UNC13C: variants seen among roughly 807,000 people sequenced by gnomAD.
UNC13C encodes the protein protein unc-13 homolog C.
In UNC13C, 174 loss-of-function variants were observed where a neutral mutation model predicts 245.4. The ratio of observed to expected loss-of-function variants is 0.71; its 90% confidence interval spans 0.63 to 0.80. The LOEUF is 0.80. Ranked by LOEUF, UNC13C falls within the 30% of genes least tolerant of loss-of-function variation. The probability of loss-of-function intolerance (pLI) is 0.00; values close to 1 mark genes in which losing one functional copy is unlikely to be tolerated. For synonymous variants in UNC13C, 992 were observed against 895.1 expected, an observed-to-expected ratio of 1.11 and a Z score of -1.93; for missense variants, 2,829 against 2,602.9, an observed-to-expected ratio of 1.09 and a Z score of -1.89.
At position 54,290,685 on chromosome 15, in the gene UNC13C, C is replaced by A. The variant is rs557328133; in HGVS notation, c.3819-3210C>A. ...TTTTGTATGGATTGCTATTTGTATG[C>A]ATATTTAACCACTTAATACACCTTT... is the stretch of plus-strand genomic sequence containing the variant. On this transcript the variant is annotated intron_variant, in intron 10 of 32. Coordinates refer to ENST00000260323, the MANE Select transcript of UNC13C (RefSeq NM_001080534.3). Among the ~76,000 whole-genome samples the A allele has an allele frequency of 1.5e-3, 224 of 152,140 alleles. 2 individuals are homozygous for A. The Middle Eastern group carries it at 0.017, about 12-fold the overall frequency.
At chr15:54,552,694 A>AT (rs1896859191) in intron 28 of UNC13C, among the ~76,000 whole-genome samples, 1 of 83,990 alleles carries the variant, frequency 1.2e-5, no homozygotes, top group Non-Finnish European at 2.0e-5. Flanking sequence ...ATATAATTAT[A>AT]TATTATATAT....
chr15:54,287,249 C>G (rs527351325), intron 10 of UNC13C, among the ~76,000 whole-genome samples: 1 of 152,138 alleles, frequency 6.6e-6, no homozygotes, highest in Non-Finnish European at 1.5e-5. Flanking sequence ...CAAGAGCCTA[C>G]CATTTCCCAG....
chr15:54,316,857 C>G (rs1318763626), intron 13 of UNC13C, among the ~76,000 whole-genome samples: 1 of 151,960 alleles, frequency 6.6e-6, no homozygotes, highest in Non-Finnish European at 1.5e-5. Context: ...CCCACCCAAA[C>G]CTTTTGGCTG....
the UNC13C span, among the ~76,000 whole-genome samples, chr15:53,894,038 C>A: frequency 6.6e-6 from 1 of 152,206 alleles, no homozygotes; most frequent in Admixed American, 6.5e-5. Context: ...AGTATCTGGG[C>A]TGGAGCACAC....
chr15:54,618,912 AAAAAC>A (rs1454856301), intron 30 of UNC13C, among the ~76,000 whole-genome samples: 1 of 152,050 alleles, frequency 6.6e-6, no homozygotes, highest in Admixed American at 6.6e-5. Context: ...CATTTTGTCA[AAAAAC>A]AAAACAAAAA....
At chr15:54,611,726 G>A (rs559427336) in intron 30 of UNC13C, 140 of 152,144 alleles carry the variant, frequency 9.2e-4, no homozygotes, top group African/African-American at 3.0e-3. Flanking sequence ...CTTAATACAC[G>A]TTTTGAAATG....
chr15:54,325,307 T>C (rs1282623844), intron 14 of UNC13C, among the ~76,000 whole-genome samples: 1 of 151,962 alleles, frequency 6.6e-6, no homozygotes, highest in African/African-American at 2.4e-5. Flanking sequence ...GGTTTAGAGA[T>C]AAGACTGGAA....
rs796532430 is a variant in UNC13C at position 54,363,561 on chromosome 15, T to G, written c.4713+25072T>G. Among the ~76,000 whole-genome samples, 4 of 152,190 alleles carry G rather than the reference T, an allele frequency of 2.6e-5. No individual in the cohort carries two copies. In the South Asian group the frequency reaches 6.2e-4, roughly 24 times the overall value. On this transcript the variant is annotated intron_variant, in intron 17 of 32. Coordinates refer to ENST00000260323, the MANE Select transcript of UNC13C (RefSeq NM_001080534.3). Reference sequence around the variant, plus strand: ...TGTTTTGTAAACCAAGTTAATGGATTTGGATTTGTCCTGGAGGAAATGTGG... The same window carrying G: ...TGTTTTGTAAACCAAGTTAATGGATGTGGATTTGTCCTGGAGGAAATGTGG...
chr15:54,096,252 G>A (rs1435093665), intron 2 of UNC13C, among the ~76,000 whole-genome samples: 3 of 151,996 alleles, frequency 2.0e-5, no homozygotes, highest in African/African-American at 7.3e-5. Context: ...AGAAAGCATC[G>A]GTCTGGAGAT....
At chr15:53,886,133 G>A in the UNC13C span, among the ~76,000 whole-genome samples, 1 of 152,142 alleles carries the variant, frequency 6.6e-6, no homozygotes, top group Admixed American at 6.5e-5. Flanking sequence ...TTATAGATAT[G>A]TGTATTTCTA....
chr15:54,103,472 AC>A (rs1900270667), intron 2 of UNC13C, among the ~76,000 whole-genome samples: 1 of 152,208 alleles, frequency 6.6e-6, no homozygotes, highest in Admixed American at 6.5e-5. Context: ...TAGTTTACCA[AC>A]CGTGTTCAAA....
At chr15:54,191,658 A>G (rs1166613702) in intron 4 of UNC13C, among the ~76,000 whole-genome samples, 2 of 151,906 alleles carry the variant, frequency 1.3e-5, no homozygotes, top group South Asian at 2.1e-4. Flanking sequence ...ACTGATTTAC[A>G]CTCCCACCAA....
At chr15:54,036,874 C>A (rs981352571) in intron 2 of UNC13C, among the ~76,000 whole-genome samples, 3 of 152,162 alleles carry the variant, frequency 2.0e-5, no homozygotes, top group Non-Finnish European at 4.4e-5. Context: ...GGAAAACCTT[C>A]GGTGATTCAG....
intron 2 of UNC13C, chr15:54,049,788 GGAGCCCAGGCAACTAA>G (rs1897195769): frequency 3.9e-6 from 1 of 253,518 alleles, no homozygotes; most frequent in Admixed American, 5.3e-5. Context: ...TTCTCCATCT[GGAGCCCAGGCAACTAA>G]AGTAATAGGA....
chr15:54,279,513 CTGTTTGGGAAGCTGA>C (rs2036922426), intron 10 of UNC13C, among the ~76,000 whole-genome samples: 1 of 152,160 alleles, frequency 6.6e-6, no homozygotes, highest in Non-Finnish European at 1.5e-5. Flanking sequence ...CAGATAAAGT[CTGTTTGGGAAGCTGA>C]TGGAACCACA....
the UNC13C span, among the ~76,000 whole-genome samples, chr15:53,844,439 G>A: frequency 2.6e-5 from 4 of 152,052 alleles, no homozygotes; most frequent in African/African-American, 9.7e-5. Flanking sequence ...TGTTTGCTGG[G>A]GTGTGACAAA....
chr15:54,355,544 G>A (rs1248179863), intron 17 of UNC13C, among the ~76,000 whole-genome samples: 4 of 151,976 alleles, frequency 2.6e-5, no homozygotes, highest in South Asian at 4.1e-4. Context: ...TTTTAGTAGA[G>A]ACGGGGTTTC....
At chr15:54,625,900 C>T (rs1435548256) in intron 32 of UNC13C, among the ~76,000 whole-genome samples, 7 of 152,074 alleles carry the variant, frequency 4.6e-5, no homozygotes, top group African/African-American at 1.4e-4. Flanking sequence ...ATCTGATTCC[C>T]ATCATATTTT....
Position 54,380,926 on chromosome 15 carries a change from G to C in UNC13C, c.4714-12122G>C, listed in dbSNP as rs570823756. Among the ~76,000 whole-genome samples, 7 of 152,118 alleles carry C rather than the reference G, an allele frequency of 4.6e-5. 1 individual carries two copies. Among genetic ancestry groups the C allele is most frequent in the Non-Finnish European group, 8.8e-5 (6 of 67,956 alleles). On this transcript the variant is annotated intron_variant, in intron 17 of 32. Coordinates refer to ENST00000260323, the MANE Select transcript of UNC13C (RefSeq NM_001080534.3). ...CTATAAGCTGTCCCTTCACTATTTTGAGTTCTTTGTTGTACAAAAGAACAA... is the reference window on the plus strand; with the variant it reads ...CTATAAGCTGTCCCTTCACTATTTTCAGTTCTTTGTTGTACAAAAGAACAA...
Sources: gnomAD v4.1 joint callset for allele counts (sites outside exome capture counted in the v4.1 genomes callset) on GRCh38, gnomAD v4.1.1 for gene constraint, MANE v1.5 for transcripts, NCBI Gene and HGNC (gene_info 2026-07-23, HGNC 2026-07-21) for gene names.